The following KCMF1 variants were observed in gnomAD, a reference collection of about 807,000 sequenced individuals.
KCMF1 encodes potassium channel modulatory factor 1, also known as E3 ubiquitin-protein ligase KCMF1.
In KCMF1, 3 loss-of-function variants were observed where a neutral mutation model predicts 41.1. The observed-to-expected ratio is 0.07, with a 90% CI of 0.03 to 0.19. The LOEUF (loss-of-function observed/expected upper bound fraction) is 0.19. Ranked by LOEUF, KCMF1 falls within the 10% of genes least tolerant of loss-of-function variation. The pLI, the probability that KCMF1 is intolerant of heterozygous loss-of-function variation, is 1.00. For synonymous variants in KCMF1, 142 were observed against 164.5 expected (o/e 0.86, Z 1.04); for missense variants, 286 against 488.9 (o/e 0.58, Z 3.91).
chr2:85,049,290 A>C, intron 5 of KCMF1, 76 bp from the exon 6 acceptor site: 1 of 1,428,996 alleles, frequency 7.0e-7, no homozygotes, highest in Non-Finnish European at 9.7e-7. Flanking sequence ...ATGTTGTTCC[A>C]GTAAAAGAGT....
At chr2:85,032,223 G>T (rs1230685586) in intron 2 of KCMF1, among the ~76,000 whole-genome samples, 1 of 152,012 alleles carries the variant, frequency 6.6e-6, no homozygotes, top group East Asian at 1.9e-4. Flanking sequence ...CCAGGCTGGA[G>T]TGCAGTGGTG....
chr2:85,053,888 CATT>C lies in KCMF1; in HGVS notation c.*483_*485del, dbSNP rs986978741. 1 of 152,892 alleles carries C rather than the reference CATT, an allele frequency of 6.5e-6. No individual in the cohort carries two copies. The highest frequency in any genetic ancestry group is 2.4e-5 in the African/African-American group (1 of 41,448). The allele number at this position is 152,892 out of a possible 1,614,324, so 9.5% of individuals were successfully genotyped here. A position where few individuals can be genotyped will look rare whatever the true frequency, so the allele number is the denominator to read the frequency against. On this transcript the variant is annotated 3_prime_UTR_variant, in exon 7 of 7. Transcript: ENST00000409785. ...ATACAAAGCCCAAAGCTTTCCCAAA[CATT>C]ATTCAATGGTTACACGACGAAGTAG...
intron 1 of KCMF1, among the ~76,000 whole-genome samples, chr2:85,008,864 AGG>A (rs1674585731): frequency 6.6e-6 from 1 of 150,514 alleles, no homozygotes; most frequent in Non-Finnish European, 1.5e-5. Flanking sequence ...TCCCGGGCTC[AGG>A]CAGTCCTCCC....
At chr2:84,973,825 CTTTTTTT>C (rs1238178193) in intron 1 of KCMF1, among the ~76,000 whole-genome samples, 2 of 110,278 alleles carry the variant, frequency 1.8e-5, no homozygotes, top group East Asian at 2.8e-4. Flanking sequence ...TTATTTCTTT[CTTTTTTT>C]TTTTTTTTTT....
In KCMF1 at chr2:85,058,023, G is replaced by A. The variant is rs1675975625; in HGVS notation, c.*4614G>A. The A allele has an allele frequency of 6.6e-6, 1 of 152,232 alleles. No homozygotes were observed. 9.4% of individuals were successfully genotyped at this position (152,232 alleles called of 1,614,324 possible). A position where few individuals can be genotyped will look rare whatever the true frequency, so the allele number is the denominator to read the frequency against. ...TTAAAAAGAACCCTTAAGTCTGACT[G>A]TCCCAGGTAACTTTACTTGCTGTAC... On this transcript the variant is annotated 3_prime_UTR_variant, in exon 7 of 7. Coordinates refer to ENST00000409785, the MANE Select transcript of KCMF1 (RefSeq NM_020122.5).
chr2:85,055,374 T>C lies in KCMF1; in HGVS notation c.*1965T>C, dbSNP rs1413509500. 3.3e-5 allele frequency: 5 copies of C among 152,208 alleles called. No homozygotes were observed. The highest frequency in any genetic ancestry group is 7.3e-5 in the Non-Finnish European group (5 of 68,036). 9.4% of individuals were successfully genotyped at this position (152,208 alleles called of 1,614,324 possible). A position where few individuals can be genotyped will look rare whatever the true frequency, so the allele number is the denominator to read the frequency against. Reference sequence around the variant, plus strand: ...ATCCTGGTTTTGTGTGAATGCATTATTTTGGATGTGAGAAATAAATGCCAA... The same window carrying C: ...ATCCTGGTTTTGTGTGAATGCATTACTTTGGATGTGAGAAATAAATGCCAA... On this transcript the variant is annotated 3_prime_UTR_variant, in exon 7 of 7. Transcript: ENST00000409785.
At position 85,027,959 on chromosome 2, in the gene KCMF1, T is replaced by C. The variant is rs776531048; in HGVS notation, c.87T>C (p.Asp29=). Residue 29 remains aspartate (D), a synonymous_variant, in exon 2 of 7, where the codon GAT becomes GAC. Coordinates refer to ENST00000409785, the MANE Select transcript of KCMF1 (RefSeq NM_020122.5). ...GATATAAGTGTTTAATTTGCTACGA[T>C]TACGATCTTTGTGCATCTTGTTATG... The part of the protein sequence containing the change: ...GRRYKCLICY[D]YDLCASCYES... The C allele has an allele frequency of 3.0e-5, 49 of 1,613,032 alleles. No individual in the cohort carries two copies. The highest frequency in any genetic ancestry group is 1.2e-4 in the Admixed American group (7 of 59,970).
intron 1 of KCMF1, among the ~76,000 whole-genome samples, chr2:84,997,713 C>T (rs906949395): frequency 6.6e-6 from 1 of 150,606 alleles, no homozygotes; most frequent in Middle Eastern, 3.2e-3. Context: ...GAGCACTTAG[C>T]AGTGCCTTGC....
At chr2:85,022,437 G>C (rs1378546705) in intron 1 of KCMF1, among the ~76,000 whole-genome samples, 1 of 152,172 alleles carries the variant, frequency 6.6e-6, no homozygotes, top group Non-Finnish European at 1.5e-5. Context: ...TTGTGCAACT[G>C]CTCTCCAGCC....
intron 1 of KCMF1, among the ~76,000 whole-genome samples, chr2:84,974,679 ATATATATATATATTTTTTTTTT>A (rs1673492166): frequency 2.8e-5 from 1 of 36,336 alleles, no homozygotes; most frequent in Non-Finnish European, 4.9e-5. Flanking sequence ...ATATATATAT[ATATATATATATATTTTTTTTTT>A]TTTTTTTTTT....
At chr2:84,994,426 G>A (rs542344131) in intron 1 of KCMF1, among the ~76,000 whole-genome samples, 3 of 150,286 alleles carry the variant, frequency 2.0e-5, no homozygotes, top group South Asian at 2.1e-4. Context: ...TTTTTGAGAC[G>A]GAGGTTCGCT....
chr2:84,992,959 C>A (rs1174842524), intron 1 of KCMF1, among the ~76,000 whole-genome samples: 1 of 152,032 alleles, frequency 6.6e-6, no homozygotes. Context: ...TTTGGGAGGT[C>A]GAGGCAGGCA....
At chr2:84,985,151 G>A (rs1030547232) in intron 1 of KCMF1, among the ~76,000 whole-genome samples, 9 of 152,208 alleles carry the variant, frequency 5.9e-5, no homozygotes, top group Non-Finnish European at 1.2e-4. Context: ...GAACAGCACA[G>A]AGGCCATGTG....
chr2:84,983,855 A>C (rs1673829432), intron 1 of KCMF1, among the ~76,000 whole-genome samples: 1 of 152,138 alleles, frequency 6.6e-6, no homozygotes, highest in Admixed American at 6.6e-5. Flanking sequence ...TATGTTGCCC[A>C]GGCAGGTCCT....
chr2:85,000,763 G>A (rs927144410), intron 1 of KCMF1, among the ~76,000 whole-genome samples: 2 of 148,632 alleles, frequency 1.3e-5, no homozygotes, highest in Non-Finnish European at 3.0e-5. Context: ...ATTATGCTTA[G>A]ATAATTTTAC....
At chr2:85,047,887 A>C (rs1448038408) in intron 5 of KCMF1, among the ~76,000 whole-genome samples, 1 of 152,172 alleles carries the variant, frequency 6.6e-6, no homozygotes, top group Non-Finnish European at 1.5e-5. Context: ...TAAATCTGTA[A>C]TAGAAACTGA....
chr2:85,034,286 A>G (rs755736963), intron 2 of KCMF1, among the ~76,000 whole-genome samples: 2 of 152,192 alleles, frequency 1.3e-5, no homozygotes, highest in African/African-American at 2.4e-5. Context: ...TCTATAGACA[A>G]CTAGCTACAT....
At chr2:84,980,669 T>C (rs1673712024) in intron 1 of KCMF1, among the ~76,000 whole-genome samples, 2 of 149,942 alleles carry the variant, frequency 1.3e-5, no homozygotes, top group Admixed American at 1.3e-4. Flanking sequence ...TGAGGCCGGG[T>C]CTCACTCTGT....
At chr2:85,005,122 G>GTC (rs1451708557) in intron 1 of KCMF1, among the ~76,000 whole-genome samples, 5 of 152,060 alleles carry the variant, frequency 3.3e-5, no homozygotes, top group African/African-American at 7.2e-5. Context: ...GGCCAGGCTG[G>GTC]TCTTGAACTC....
Sources: allele counts gnomAD v4.1 joint callset (sites outside exome capture counted in the v4.1 genomes callset), GRCh38; gene constraint gnomAD v4.1.1; transcripts MANE v1.5; gene names NCBI Gene and HGNC (gene_info 2026-07-23, HGNC 2026-07-21).